The following SYBU variants were observed in gnomAD, a reference collection of about 807,000 sequenced individuals.
The protein encoded by SYBU is GOLSYN A protein.
SYBU carries 21 observed loss-of-function variants against 35.9 expected under a neutral mutation model. The observed-to-expected ratio is 0.58, with a 90% confidence interval of 0.41 to 0.84. SYBU has a LOEUF of 0.84. Ranked by LOEUF, SYBU falls within the 40% of genes least tolerant of loss-of-function variation. The pLI is 0.00. For missense variants in SYBU, 768 were observed against 848.2 expected, an observed-to-expected ratio of 0.91 and a Z score of 1.17; for synonymous variants, 319 against 324.3, an observed-to-expected ratio of 0.98 and a Z score of 0.18.
intron 3 of SYBU, among the ~76,000 whole-genome samples, chr8:109,615,828 G>T (rs918929043): frequency 2.0e-5 from 3 of 151,898 alleles, no homozygotes; most frequent in African/African-American, 7.3e-5. Context: ...CCCTGAAATG[G>T]TATGTGATAT....
chr8:109,606,482 T>G (rs1826080151), intron 3 of SYBU, among the ~76,000 whole-genome samples: 1 of 152,044 alleles, frequency 6.6e-6, no homozygotes, highest in South Asian at 2.1e-4. Context: ...ACTATGCTGG[T>G]TTTTAGAGGT....
chr8:109,665,787 T>A (rs1319350215), intron 1 of SYBU, among the ~76,000 whole-genome samples: 1 of 152,250 alleles, frequency 6.6e-6, no homozygotes, highest in African/African-American at 2.4e-5. Flanking sequence ...TGGTACAGTC[T>A]CTTCACACTT....
chr8:109,663,290 T>TAGATAGAC (rs1563771242), intron 1 of SYBU, among the ~76,000 whole-genome samples: 4 of 151,312 alleles, frequency 2.6e-5, no homozygotes, highest in African/African-American at 9.7e-5. Context: ...GATAGATAGA[T>TAGATAGAC]AGATAGATAG....
intron 4 of SYBU, among the ~76,000 whole-genome samples, chr8:109,583,803 C>A (rs1298728690): frequency 6.6e-6 from 1 of 151,958 alleles, no homozygotes; most frequent in Non-Finnish European, 1.5e-5. Context: ...GGGTGAGATT[C>A]TTTTATTTAT....
chr8:109,601,778 C>T (rs1825553728), intron 3 of SYBU, among the ~76,000 whole-genome samples: 2 of 152,006 alleles, frequency 1.3e-5, no homozygotes. Context: ...ATATGGAGTC[C>T]CTTGTATGGC....
chr8:109,668,179 A>G lies in SYBU; in HGVS notation c.-129+12532T>C, dbSNP rs374283277. 6.9e-4 allele frequency among the ~76,000 whole-genome samples: 86 copies of G among 125,134 alleles called. 3 individuals carry two copies. The highest frequency in any genetic ancestry group is 2.6e-3 in the African/African-American group (78 of 30,150). The allele number at this position is 125,134 out of a possible 152,430, so 82.1% of individuals were successfully genotyped here. Reference sequence around the variant, plus strand: ...GGGGGAGAGGGGGAGAGAGAGAGAGAGAGAGAGAGAGAGAGAGAGAGAGAC... The same window carrying G: ...GGGGGAGAGGGGGAGAGAGAGAGAGGGAGAGAGAGAGAGAGAGAGAGAGAC... On this transcript the variant is annotated intron_variant, in intron 1 of 5. Transcript: ENST00000408889.
intron 2 of SYBU, among the ~76,000 whole-genome samples, chr8:109,633,960 C>T (rs1813920985): frequency 6.6e-6 from 1 of 152,144 alleles, no homozygotes; most frequent in African/African-American, 2.4e-5. Flanking sequence ...TCTCTAACTC[C>T]TGGCCTCAAG....
chr8:109,679,860 T>C (rs1348270354), intron 1 of SYBU, among the ~76,000 whole-genome samples: 1 of 152,214 alleles, frequency 6.6e-6, no homozygotes, highest in Non-Finnish European at 1.5e-5. Flanking sequence ...CCAAATGGTA[T>C]TGGAGCCAAT....
rs535081839 is a variant in SYBU, at chr8:109,626,875, C to A, written c.230-7836G>T. On this transcript the variant is annotated intron_variant, in intron 2 of 6. Coordinates refer to ENST00000276646, the MANE Select transcript of SYBU (RefSeq NM_001099754.2). The stretch of plus-strand genomic sequence containing the variant: ...AATAAGACCCTGTCTCAAAAATAAT[C>A]TTCTTACACCGATTACAGGTAAGAA... 2.6e-5 allele frequency among the ~76,000 whole-genome samples: 4 copies of A among 152,338 alleles called. No homozygotes were observed. The South Asian group carries it at 8.3e-4, about 32-fold the overall frequency.
At chr8:109,677,664 A>G (rs1817240233) in intron 1 of SYBU, among the ~76,000 whole-genome samples, 1 of 152,212 alleles carries the variant, frequency 6.6e-6, no homozygotes, top group Non-Finnish European at 1.5e-5. Flanking sequence ...CTAGACTTTT[A>G]TCATGCATTA....
intron 1 of SYBU, among the ~76,000 whole-genome samples, chr8:109,652,364 CCTT>C (rs34132792): frequency 4.6e-5 from 7 of 151,198 alleles, no homozygotes; most frequent in Non-Finnish European, 8.8e-5. Flanking sequence ...TCCTCCTCCT[CCTT>C]CTTTTTCTAC....
At chr8:109,646,400 T>A (rs1815702832), upstream of SYBU, 1 of 152,238 alleles carries the variant, frequency 6.6e-6, no homozygotes, top group Admixed American at 6.5e-5. Context: ...AGAGGATTAG[T>A]GGAATCAATT....
chr8:109,642,554 T>C (rs1463417020), intron 2 of SYBU, among the ~76,000 whole-genome samples, 174 bp downstream of exon 2: 45 of 152,226 alleles, frequency 3.0e-4, no homozygotes, highest in Admixed American at 2.9e-3. Context: ...AACTGAACTA[T>C]ATGAAACTGC....
At chr8:109,611,164 G>A (rs181474771) in intron 3 of SYBU, among the ~76,000 whole-genome samples, 5 of 152,280 alleles carry the variant, frequency 3.3e-5, no homozygotes, top group Admixed American at 3.3e-4. Context: ...CACTACTTTT[G>A]AGAGACCTAT....
At chr8:109,596,777 T>C (rs1422933861) in intron 3 of SYBU, among the ~76,000 whole-genome samples, 1 of 152,194 alleles carries the variant, frequency 6.6e-6, no homozygotes, top group Non-Finnish European at 1.5e-5. Flanking sequence ...TTTATTCCAG[T>C]TACTCATTTA....
At chr8:109,608,860 C>T (rs1386474719) in intron 3 of SYBU, among the ~76,000 whole-genome samples, 1 of 152,138 alleles carries the variant, frequency 6.6e-6, no homozygotes, top group Non-Finnish European at 1.5e-5. Context: ...AATGCCAACA[C>T]CGATTTTTGC....
At chr8:109,588,897 C>A (rs992408027) in intron 3 of SYBU, among the ~76,000 whole-genome samples, 2 of 152,290 alleles carry the variant, frequency 1.3e-5, no homozygotes, top group Admixed American at 6.5e-5. Context: ...TGGTGGCTCA[C>A]GCTTGTAATC....
At chr8:109,644,847 C>T, upstream of SYBU, 1 of 581,338 alleles carries the variant, frequency 1.7e-6, no homozygotes, top group Non-Finnish European at 2.8e-6. Context: ...CGCCCGACCC[C>T]GCCCCGGCCG....
At chr8:109,643,730 C>A in intron 1 of SYBU, 1 of 165,836 alleles carries the variant, frequency 6.0e-6, no homozygotes, top group South Asian at 1.5e-4. Flanking sequence ...CTTTTCCAAC[C>A]ATTTTCTCAT....
Sources: allele counts gnomAD v4.1 joint callset (sites outside exome capture counted in the v4.1 genomes callset), GRCh38; gene constraint gnomAD v4.1.1; transcripts MANE v1.5; gene names NCBI Gene and HGNC (gene_info 2026-07-23, HGNC 2026-07-21).